HSPA12B: variants seen among roughly 807,000 people sequenced by gnomAD.
The protein encoded by HSPA12B is heat shock 70 kDa protein 12B.
A neutral mutation model predicts 69.3 loss-of-function variants in HSPA12B; 54 were observed. The observed-to-expected ratio is 0.78, with a 90% CI of 0.63 to 0.98. The LOEUF is 0.98. Among genes scored for constraint, HSPA12B ranks in the 50% least tolerant of loss-of-function variants. The pLI, the probability that HSPA12B is intolerant of heterozygous loss-of-function variation, is 0.00. For missense variants in HSPA12B, 929 were observed against 999.8 expected (o/e 0.93, Z 0.96); for synonymous variants, 441 against 436.5 (o/e 1.01, Z -0.13).
chr20:3,749,218 C>T lies in HSPA12B; in HGVS notation c.851-14C>T. 2 of 1,610,054 alleles carry T rather than the reference C, an allele frequency of 1.2e-6. No individual in the cohort carries two copies. The highest frequency in any genetic ancestry group is 2.2e-5 in the South Asian group (2 of 90,284). ...TCCTTCTAATCTCACTCCCTGCTGT[C>T]TCCTGACCCCCAGCTCGGGAGCAGC... On this transcript the variant is annotated splice_polypyrimidine_tract_variant and intron_variant, in intron 8 of 12. Coordinates refer to ENST00000254963, the MANE Select transcript of HSPA12B (RefSeq NM_052970.5). This position sits in a 1 kb window ranked among gnomAD's most constrained non-coding sequence, Gnocchi z 5.5.
intron 7 of HSPA12B, 43 bp downstream of exon 7, chr20:3,746,074 G>C (rs1600322817): frequency 6.8e-7 from 1 of 1,466,414 alleles, no homozygotes; most frequent in Non-Finnish European, 9.5e-7. Flanking sequence ...CTCAGGAAGG[G>C]CCAGGCCTGT....
chr20:3,743,812 G>A (rs1382778935), intron 4 of HSPA12B, among the ~76,000 whole-genome samples: 1 of 151,662 alleles, frequency 6.6e-6, no homozygotes, highest in Admixed American at 6.6e-5. Context: ...TCTCCATGGG[G>A]TAGATTCCTA....
At chr20:3,746,485 G>A (rs1028906852) in intron 7 of HSPA12B, among the ~76,000 whole-genome samples, 36 of 151,966 alleles carry the variant, frequency 2.4e-4, no homozygotes, top group African/African-American at 8.2e-4. Flanking sequence ...TGTATTTTTA[G>A]TAGAGACGGG....
chr20:3,748,160 C>A (rs751674349), intron 7 of HSPA12B, 57 bp from the exon 8 acceptor site: 71 of 1,406,658 alleles, frequency 5.0e-5, no homozygotes, highest in Middle Eastern at 3.8e-4. Flanking sequence ...CTCACAGTGC[C>A]ATCTTAGGTG....
rs2088343672 is a variant in HSPA12B at position 3,748,274 on chromosome 20, G to A, written c.733G>A (p.Ala245Thr). The change falls in exon 8 of 13, where the codon GCC becomes ACC. Residue 245 changes from alanine (A) to threonine (T), a missense_variant. Around this residue, in one of 3 missense-constraint regions of HSPA12B, gnomAD observed 477 missense variants for 535.2 expected, o/e 0.89. Coordinates refer to ENST00000254963, the MANE Select transcript of HSPA12B (RefSeq NM_052970.5). Reference protein sequence around the residue: ...EQLLIALEPEAASVYCRKLRL... With the variant: ...EQLLIALEPETASVYCRKLRL... ...GCTACTCATCGCCCTGGAGCCCGAG[G>A]CCGCCTCGGTATACTGCCGCAAGCT... 1 of 1,605,406 alleles carries A rather than the reference G, an allele frequency of 6.2e-7. No individual in the cohort carries two copies. Among genetic ancestry groups the A allele is most frequent in the Non-Finnish European group, 8.5e-7 (1 of 1,175,580 alleles).
rs552549742 is a variant in HSPA12B at position 3,737,434 on chromosome 20, G to A, written c.-17-1224G>A. 3.9e-4 allele frequency among the ~76,000 whole-genome samples: 60 copies of A among 152,254 alleles called. No individual in the cohort carries two copies. Among genetic ancestry groups the A allele is most frequent in the Non-Finnish European group, 6.6e-4 (45 of 68,026 alleles). ...TGATTGCGTCACTACACTCCAGCCT[G>A]GGCAACAGAGTGAAACTCCATCTTA... On this transcript the variant is annotated intron_variant, in intron 1 of 12. Coordinates refer to ENST00000254963, the MANE Select transcript of HSPA12B (RefSeq NM_052970.5). This position sits in a 1 kb window ranked among gnomAD's most constrained non-coding sequence, Gnocchi z 4.1.
In HSPA12B at chr20:3,749,684, T is replaced by A; in HGVS notation, c.938-66T>A. The A allele has an allele frequency of 4.9e-6, 6 of 1,214,304 alleles. No individual in the cohort carries two copies. The South Asian group carries it at 8.1e-5, about 16-fold the overall frequency. 75.2% of individuals were successfully genotyped at this position (1,214,304 alleles called of 1,614,324 possible). A position where few individuals can be genotyped will look rare whatever the true frequency, so the allele number is the denominator to read the frequency against. ...GGCAGGGCTGGAGGCTGGGCGAGGC[T>A]GGAGGGGGCGCAGGGCTGAGGGTGC... On this transcript the variant is annotated intron_variant, in intron 9 of 12. Transcript: ENST00000254963. This position sits in a 1 kb window ranked among gnomAD's most constrained non-coding sequence, Gnocchi z 5.5.
intron 11 of HSPA12B, 102 bp from the exon 12 acceptor site, chr20:3,750,682 GCAGTCGGTGCCCAGGCACTT>G: frequency 6.4e-7 from 1 of 1,573,426 alleles, no homozygotes; most frequent in Non-Finnish European, 8.6e-7. Flanking sequence ...GACACCACGT[GCAGTCGGTGCCCAGGCACTT>G]CTGCCTGGAG....
chr20:3,746,125 A>AG, intron 7 of HSPA12B, 94 bp downstream of exon 7: 1 of 873,652 alleles, frequency 1.1e-6, no homozygotes, highest in Admixed American at 2.1e-5. Context: ...GAGACCACAG[A>AG]GTCATTGTGG....
chr20:3,744,399 C>A lies in HSPA12B; in HGVS notation c.267-503C>A, dbSNP rs1382661224. On this transcript the variant is annotated intron_variant, in intron 4 of 12. Coordinates refer to ENST00000254963, the MANE Select transcript of HSPA12B (RefSeq NM_052970.5). This position sits in a 1 kb window ranked among gnomAD's most constrained non-coding sequence, Gnocchi z 4.9. ...ACACATCCAGGAACACTGTCTCTGT[C>A]CTGTGGAGGTGACAGTCACAGGAAA... Among the ~76,000 whole-genome samples the A allele has an allele frequency of 1.3e-5, 2 of 152,200 alleles. No homozygotes were observed. Among genetic ancestry groups the A allele is most frequent in the African/African-American group, 4.8e-5 (2 of 41,450 alleles).
intron 3 of HSPA12B, 114 bp downstream of exon 3, chr20:3,741,026 A>T (rs958847268): frequency 2.6e-5 from 20 of 780,660 alleles, no homozygotes; most frequent in Middle Eastern, 5.3e-4. Flanking sequence ...TGGGGGTAGC[A>T]CCATGCCTCT....
chr20:3,737,415 C>T lies in HSPA12B; in HGVS notation c.-17-1243C>T, dbSNP rs779510648. Among the ~76,000 whole-genome samples, 16 of 152,274 alleles carry T rather than the reference C, an allele frequency of 1.1e-4. No homozygotes were observed. Among genetic ancestry groups the T allele is most frequent in the Middle Eastern group, 6.8e-3 (2 of 294 alleles). ...CAGAAATTCTAGCTCAATATGATTG[C>T]GTCACTACACTCCAGCCTGGGCAAC... is the stretch of plus-strand genomic sequence containing the variant. On this transcript the variant is annotated intron_variant, in intron 1 of 12. Transcript: ENST00000254963. This position sits in a 1 kb window ranked among gnomAD's most constrained non-coding sequence, Gnocchi z 4.1.
At chr20:3,750,375 C>G in intron 11 of HSPA12B, 148 bp downstream of exon 11, 1 of 892,558 alleles carries the variant, frequency 1.1e-6, no homozygotes, top group Non-Finnish European at 1.6e-6. Context: ...GGTGGGGCGG[C>G]GGGGAGCGGC....
intron 3 of HSPA12B, 50 bp from the exon 4 acceptor site, chr20:3,742,234 T>A: frequency 6.3e-7 from 1 of 1,599,378 alleles, no homozygotes; most frequent in African/African-American, 1.3e-5. Context: ...CTGTGGGGGA[T>A]GGGGGTGTCC....
intron 7 of HSPA12B, among the ~76,000 whole-genome samples, chr20:3,747,965 TAG>T (rs766913525): frequency 6.6e-6 from 1 of 152,254 alleles, no homozygotes; most frequent in Non-Finnish European, 1.5e-5. Context: ...GCATTCTGTC[TAG>T]AGTCTTTTCC....
In HSPA12B at chr20:3,740,019, G is replaced by C. The variant is rs1022093884; in HGVS notation, c.44-796G>C. Among the ~76,000 whole-genome samples the C allele has an allele frequency of 6.6e-6, 1 of 152,100 alleles. No homozygotes were observed. Among genetic ancestry groups the C allele is most frequent in the Non-Finnish European group, 1.5e-5 (1 of 68,020 alleles). ...CTGCCCCATAAGCCGCCTGATCCTC[G>C]GGGCGAGGCCTGGGGCTGTCCTCCA... On this transcript the variant is annotated intron_variant, in intron 2 of 12. Coordinates refer to ENST00000254963, the MANE Select transcript of HSPA12B (RefSeq NM_052970.5). The surrounding 1 kb of genome is among the most constrained non-coding windows in gnomAD (Gnocchi z 4.9).
Position 3,749,662 on chromosome 20 carries a change from A to AGGGCTGGAGGCTGGGCG in HSPA12B, c.938-87_938-71dup. On this transcript the variant is annotated intron_variant, in intron 9 of 12. Coordinates refer to ENST00000254963, the MANE Select transcript of HSPA12B (RefSeq NM_052970.5). The surrounding 1 kb of genome is among the most constrained non-coding windows in gnomAD (Gnocchi z 5.5). The stretch of plus-strand genomic sequence containing the variant: ...GCAGACAGGCCTTGGGACCCGGGGC[A>AGGGCTGGAGGCTGGGCG]GGGCTGGAGGCTGGGCGAGGCTGGA... The AGGGCTGGAGGCTGGGCG allele has an allele frequency of 1.0e-6, 1 of 977,290 alleles. No homozygotes were observed. Among genetic ancestry groups the AGGGCTGGAGGCTGGGCG allele is most frequent in the Non-Finnish European group, 1.5e-6 (1 of 668,130 alleles). The allele number at this position is 977,290 out of a possible 1,614,324, so 60.5% of individuals were successfully genotyped here.
rs2088362088 is a variant in HSPA12B at position 3,749,168 on chromosome 20, A to T, written c.851-64A>T. 7.1e-7 allele frequency: 1 copy of T among 1,415,480 alleles called. No individual in the cohort carries two copies. Among genetic ancestry groups the T allele is most frequent in the African/African-American group, 1.4e-5 (1 of 70,838 alleles). 87.7% of individuals were successfully genotyped at this position (1,415,480 alleles called of 1,614,324 possible). A position where few individuals can be genotyped will look rare whatever the true frequency, so the allele number is the denominator to read the frequency against. On this transcript the variant is annotated intron_variant, in intron 8 of 12. Coordinates refer to ENST00000254963, the MANE Select transcript of HSPA12B (RefSeq NM_052970.5). This position sits in a 1 kb window ranked among gnomAD's most constrained non-coding sequence, Gnocchi z 5.5. ...TGGAGGTCCTGGGCAGGAGGATGGG[A>T]GTTGAACGCCATAGCTGGAGCACCT...
At chr20:3,747,528 C>G (rs923661462) in intron 7 of HSPA12B, among the ~76,000 whole-genome samples, 2 of 152,204 alleles carry the variant, frequency 1.3e-5, no homozygotes, top group African/African-American at 4.8e-5. Context: ...TTATCCCTCT[C>G]CCCTATCTGG....
Sources: allele counts gnomAD v4.1 joint callset (sites outside exome capture counted in the v4.1 genomes callset), GRCh38; gene constraint gnomAD v4.1.1; regional missense constraint gnomAD v4.1.1; non-coding constraint Gnocchi (gnomAD v3.1); transcripts MANE v1.5; gene names NCBI Gene and HGNC (gene_info 2026-07-23, HGNC 2026-07-21).